ZMIZ1: variants seen among roughly 807,000 people sequenced by gnomAD.
The protein encoded by ZMIZ1 is zinc finger MIZ domain-containing protein 1.
A neutral mutation model predicts 113.9 loss-of-function variants in ZMIZ1; 17 were observed. The ratio of observed to expected loss-of-function variants is 0.15; its 90% CI spans 0.10 to 0.22. The LOEUF (loss-of-function observed/expected upper bound fraction) is 0.22. ZMIZ1 is among the 10% of genes least tolerant of loss of function. The probability of loss-of-function intolerance (pLI) is 1.00; values close to 1 mark genes in which losing one functional copy is unlikely to be tolerated. For missense variants in ZMIZ1, 1,059 were observed against 1,477.8 expected (o/e 0.72, Z 4.65); for synonymous variants, 607 against 603.1 (o/e 1.01, Z -0.09).
chr10:79,243,901 G>T (rs935179665), intron 7 of ZMIZ1, among the ~76,000 whole-genome samples: 22 of 152,236 alleles, frequency 1.4e-4, no homozygotes, highest in African/African-American at 5.3e-4. Context: ...AGGCTTGGCC[G>T]CGAGAGTGGC....
chr10:79,151,737 C>T (rs776265867), intron 3 of ZMIZ1, among the ~76,000 whole-genome samples: 4 of 152,188 alleles, frequency 2.6e-5, no homozygotes, highest in South Asian at 2.1e-4. Flanking sequence ...CACTCAGGCC[C>T]GGGTGGGCCC....
chr10:79,078,999 T>C (rs1462840511), intron 1 of ZMIZ1, among the ~76,000 whole-genome samples: 1 of 152,246 alleles, frequency 6.6e-6, no homozygotes, highest in Non-Finnish European at 1.5e-5. Context: ...AGGGGAGCCT[T>C]TCACAGAGGA....
intron 7 of ZMIZ1, among the ~76,000 whole-genome samples, chr10:79,228,863 C>T (rs921512754): frequency 2.0e-5 from 3 of 152,244 alleles, no homozygotes; most frequent in African/African-American, 7.2e-5. Context: ...CCTGGTTTAG[C>T]TCTGCAGCTT....
intron 10 of ZMIZ1, among the ~76,000 whole-genome samples, chr10:79,291,388 C>T (rs759294328): frequency 6.6e-6 from 1 of 152,230 alleles, no homozygotes; most frequent in African/African-American, 2.4e-5. Flanking sequence ...TTCTGACAGT[C>T]GTCAGACTCG....
At position 79,279,042 on chromosome 10, in the gene ZMIZ1, C is replaced by T. The variant is rs549510950; in HGVS notation, c.425+1717C>T. On this transcript the variant is annotated intron_variant, in intron 8 of 24. Transcript: ENST00000334512. Reference sequence around the variant, plus strand: ...GCAGAGGCGCCACCCACGTCCCAGACGGGGCGGCGGCCGGGCGGGGGCTGC... The same window carrying T: ...GCAGAGGCGCCACCCACGTCCCAGATGGGGCGGCGGCCGGGCGGGGGCTGC... 1.6e-3 allele frequency among the ~76,000 whole-genome samples: 241 copies of T among 149,548 alleles called. 1 individual carries two copies. The highest frequency in any genetic ancestry group is 5.3e-3 in the African/African-American group (216 of 40,670).
At chr10:79,287,202 CAG>C (rs1853144467) in intron 8 of ZMIZ1, among the ~76,000 whole-genome samples, 2 of 152,202 alleles carry the variant, frequency 1.3e-5, no homozygotes, top group Admixed American at 1.3e-4. Flanking sequence ...CCCTGGGAGA[CAG>C]AGGCTGTTCC....
intron 1 of ZMIZ1, among the ~76,000 whole-genome samples, chr10:79,087,965 C>T (rs781180317): frequency 1.3e-5 from 2 of 152,228 alleles, no homozygotes; most frequent in African/African-American, 4.8e-5. Flanking sequence ...GGCTCTGGCT[C>T]CCTGTCACCC....
Position 79,208,497 on chromosome 10 carries a change from T to A in ZMIZ1, c.174+48T>A, listed in dbSNP as rs765630658. On this transcript the variant is annotated intron_variant, in intron 6 of 24. Coordinates refer to ENST00000334512, the MANE Select transcript of ZMIZ1 (RefSeq NM_020338.4). ...TGCATTCCTGCCCAGGAAGGTCAGC[T>A]GAGTGCTAGCGTGCCTGTCCAGGTT... 3.9e-6 allele frequency: 6 copies of A among 1,530,852 alleles called. No individual in the cohort carries two copies. The African/African-American group carries it at 4.1e-5, about 10-fold the overall frequency. 94.8% of individuals were successfully genotyped at this position (1,530,852 alleles called of 1,614,324 possible). A position where few individuals can be genotyped will look rare whatever the true frequency, so the allele number is the denominator to read the frequency against.
intron 5 of ZMIZ1, among the ~76,000 whole-genome samples, 194 bp from the exon 6 acceptor site, chr10:79,208,142 G>GT (rs1303457227): frequency 7.4e-4 from 98 of 132,558 alleles, no homozygotes; most frequent in Admixed American, 5.4e-3. Context: ...GGTGGGGGGG[G>GT]GTGGGAGCAG....
At chr10:79,305,631 G>T in intron 21 of ZMIZ1, 30 bp downstream of exon 21, 3 of 1,604,214 alleles carry the variant, frequency 1.9e-6, no homozygotes, top group African/African-American at 2.7e-5. Context: ...GGGGCAGGGG[G>T]TGGGAGGGGA....
intron 7 of ZMIZ1, among the ~76,000 whole-genome samples, chr10:79,240,340 G>A (rs1849768075): frequency 6.6e-6 from 1 of 152,178 alleles, no homozygotes; most frequent in South Asian, 2.1e-4. Flanking sequence ...GGGGTGGAGC[G>A]GGCTGCTTTG....
intron 6 of ZMIZ1, among the ~76,000 whole-genome samples, chr10:79,213,285 G>T (rs762240679): frequency 3.3e-5 from 5 of 152,202 alleles, no homozygotes; most frequent in African/African-American, 7.2e-5. Context: ...ACTTTCTGGG[G>T]GTCCTCAGGC....
chr10:79,077,625 A>G (rs1168650098), intron 1 of ZMIZ1, among the ~76,000 whole-genome samples: 1 of 152,228 alleles, frequency 6.6e-6, no homozygotes, highest in Admixed American at 6.5e-5. Flanking sequence ...TTTATTGGGC[A>G]ACTAATGTGT....
rs1040850956 is a variant in ZMIZ1 at position 79,139,707 on chromosome 10, G to A, written c.-201G>A. On this transcript the variant is annotated 5_prime_UTR_variant, in exon 3 of 25. Transcript: ENST00000334512. ...GAGGAAGAGGAGGAGGCCCGTTGGCGTCGGACCAATGCTGCAAGGGGTGTG... is the reference window on the plus strand; with the variant it reads ...GAGGAAGAGGAGGAGGCCCGTTGGCATCGGACCAATGCTGCAAGGGGTGTG... 8 of 398,726 alleles carry A rather than the reference G, an allele frequency of 2.0e-5. No homozygotes were observed. The highest frequency in any genetic ancestry group is 7.1e-5 in the East Asian group (2 of 28,178). 24.7% of individuals were successfully genotyped at this position (398,726 alleles called of 1,614,324 possible).
At chr10:79,096,800 A>G (rs1589266427) in intron 1 of ZMIZ1, among the ~76,000 whole-genome samples, 2 of 152,226 alleles carry the variant, frequency 1.3e-5, no homozygotes. Flanking sequence ...GAGAGAAACC[A>G]GGTAAACAAG....
At chr10:79,090,784 G>T (rs558445314) in intron 1 of ZMIZ1, among the ~76,000 whole-genome samples, 1 of 152,224 alleles carries the variant, frequency 6.6e-6, no homozygotes, top group Non-Finnish European at 1.5e-5. Flanking sequence ...AGGTTTGGGG[G>T]GTGCCCACTT....
At chr10:79,157,369 GT>G (rs1235433537) in intron 3 of ZMIZ1, among the ~76,000 whole-genome samples, 688 of 3,700 alleles carry the variant, frequency 0.19, 6 homozygotes, top group African/African-American at 0.44. Flanking sequence ...GGCATAAGGG[GT>G]GTGTGTGTGT....
chr10:79,290,634 AC>A (rs1318314572), intron 9 of ZMIZ1: 1 of 508,090 alleles, frequency 2.0e-6, no homozygotes, highest in Non-Finnish European at 3.8e-6. Context: ...CCCCACGGGT[AC>A]CTGGTACAAG....
chr10:79,160,763 G>T (rs531499973), intron 3 of ZMIZ1, among the ~76,000 whole-genome samples: 125 of 152,374 alleles, frequency 8.2e-4, no homozygotes, highest in Admixed American at 7.8e-3. Context: ...GCCCCTTGGC[G>T]TGTATGGAGG....
Sources: allele counts gnomAD v4.1 joint callset (sites outside exome capture counted in the v4.1 genomes callset), GRCh38; gene constraint gnomAD v4.1.1; transcripts MANE v1.5; gene names NCBI Gene and HGNC (gene_info 2026-07-23, HGNC 2026-07-21).